Variants in METTL24 observed in about 807,000 individuals in gnomAD.
The protein encoded by METTL24 is probable methyltransferase-like protein 24.
METTL24 carries 29 observed loss-of-function variants against 32.7 expected under a neutral mutation model. The ratio of observed to expected loss-of-function variants is 0.89; its 90% CI spans 0.66 to 1.21. The LOEUF is 1.21. Among genes scored for constraint, METTL24 ranks in the 50% most tolerant of loss-of-function variants. The pLI is 0.00. For missense variants in METTL24, 439 were observed against 468.1 expected (o/e 0.94, Z 0.57); for synonymous variants, 163 against 179.5 (o/e 0.91, Z 0.73).
intron 1 of METTL24, among the ~76,000 whole-genome samples, chr6:110,344,719 G>T (rs992726232): frequency 1.3e-5 from 2 of 152,098 alleles, no homozygotes; most frequent in Non-Finnish European, 2.9e-5. Flanking sequence ...GGCATAACTG[G>T]CTAGCCATAT....
rs1772743746 is a variant in METTL24 at position 110,358,292 on chromosome 6, C to T, written c.-20G>A. 1 of 1,434,566 alleles carries T rather than the reference C, an allele frequency of 7.0e-7. No individual in the cohort carries two copies. The highest frequency in any genetic ancestry group is 9.1e-7 in the Non-Finnish European group (1 of 1,100,814). 88.9% of individuals were successfully genotyped at this position (1,434,566 alleles called of 1,614,324 possible). On this transcript the variant is annotated 5_prime_UTR_variant, in exon 1 of 5. Coordinates refer to ENST00000338882, the MANE Select transcript of METTL24 (RefSeq NM_001123364.3). ...GGCCATGGCGCTACACTCGGGGTCC[C>T]GCGGGCCGCGCCTGGCCGGCAGCAG... is the stretch of plus-strand genomic sequence containing the variant.
intron 3 of METTL24, among the ~76,000 whole-genome samples, chr6:110,308,938 G>C (rs1771670757): frequency 6.6e-6 from 1 of 152,162 alleles, no homozygotes; most frequent in Non-Finnish European, 1.5e-5. Context: ...GATTGCCTAA[G>C]GATGGCAGAC....
At chr6:110,308,795 T>C (rs1271386436) in intron 3 of METTL24, among the ~76,000 whole-genome samples, 3 of 152,236 alleles carry the variant, frequency 2.0e-5, no homozygotes, top group Non-Finnish European at 4.4e-5. Context: ...TGATACATGC[T>C]GCAATGTGGC....
intron 1 of METTL24, among the ~76,000 whole-genome samples, chr6:110,327,386 A>G (rs1478974219): frequency 2.0e-5 from 3 of 152,328 alleles, no homozygotes; most frequent in East Asian, 3.9e-4. Flanking sequence ...CACAAATAGT[A>G]TTCTTCTTGC....
At chr6:110,272,497 G>A (rs948767944) in intron 4 of METTL24, among the ~76,000 whole-genome samples, 2 of 152,196 alleles carry the variant, frequency 1.3e-5, no homozygotes, top group African/African-American at 2.4e-5. Context: ...TAGTGGGATT[G>A]CTGGATTGAA....
chr6:110,293,494 T>C (rs766601688), intron 4 of METTL24, among the ~76,000 whole-genome samples: 31 of 151,980 alleles, frequency 2.0e-4, no homozygotes, highest in Non-Finnish European at 3.4e-4. Flanking sequence ...AGTTTTCTAG[T>C]ATACCATCAT....
At chr6:110,356,387 G>A (rs1407554040) in intron 1 of METTL24, among the ~76,000 whole-genome samples, 1 of 152,008 alleles carries the variant, frequency 6.6e-6, no homozygotes, top group African/African-American at 2.4e-5. Context: ...AAGTGGCAGT[G>A]AGCCAAGATC....
rs202239903 is a variant in METTL24 at position 110,315,408 on chromosome 6, C to T, written c.491G>A (p.Cys164Tyr). Residue 164 changes from cysteine (C) to tyrosine (Y), a missense_variant, in exon 3 of 5, where the codon TGT becomes TAT. Coordinates refer to ENST00000338882, the MANE Select transcript of METTL24 (RefSeq NM_001123364.3). The stretch of plus-strand genomic sequence containing the variant: ...AGCTAAATTGAACCTGTCGTCAAGA[C>T]ACACTGACCAGGGCTTGTGTGTAGG... ...SSPTHKPWSV[C>Y]LDDRFNLAHQ... is the part of the protein sequence containing the mutation. 9.4e-5 allele frequency: 152 copies of T among 1,614,160 alleles called. No individual in the cohort carries two copies. Among genetic ancestry groups the T allele is most frequent in the Non-Finnish European group, 1.2e-4 (144 of 1,180,032 alleles).
At chr6:110,250,713 T>G (rs1250206399) in intron 4 of METTL24, among the ~76,000 whole-genome samples, 2 of 152,180 alleles carry the variant, frequency 1.3e-5, no homozygotes, top group Non-Finnish European at 2.9e-5. Context: ...GATAAGTCCT[T>G]ACATCAGCCA....
intron 1 of METTL24, among the ~76,000 whole-genome samples, chr6:110,323,874 T>C (rs997264375): frequency 1.3e-5 from 2 of 151,922 alleles, no homozygotes; most frequent in Non-Finnish European, 2.9e-5. Context: ...CCCCTTTTTA[T>C]ATGGTGAGGA....
In METTL24 at chr6:110,246,001, A is replaced by T; in HGVS notation, c.1046T>A (p.Ile349Asn). 1 of 1,614,176 alleles carries T rather than the reference A, an allele frequency of 6.2e-7. No individual in the cohort carries two copies. Residue 349 changes from isoleucine to asparagine, a missense_variant, in exon 5 of 5, where the codon ATT becomes AAT. By Grantham distance (149) the Ile-to-Asn change is moderately radical. Coordinates refer to ENST00000338882, the MANE Select transcript of METTL24 (RefSeq NM_001123364.3). ...SKPQLFLKKD[I>N]FNASSCYTLS... ...AGTATAACAGCTACTTGCATTGAAAATGTCTTTCTTCAAGAATAGCTGAGG... is the reference window on the plus strand; with the variant it reads ...AGTATAACAGCTACTTGCATTGAAATTGTCTTTCTTCAAGAATAGCTGAGG...
At chr6:110,286,590 C>A (rs1274851365) in intron 4 of METTL24, among the ~76,000 whole-genome samples, 1 of 152,202 alleles carries the variant, frequency 6.6e-6, no homozygotes, top group East Asian at 1.9e-4. Context: ...CATGTACATA[C>A]AACCTTGCCA....
intron 3 of METTL24, among the ~76,000 whole-genome samples, chr6:110,314,930 CT>C (rs1332329584): frequency 6.6e-6 from 1 of 151,742 alleles, no homozygotes; most frequent in African/African-American, 2.4e-5. Context: ...TGCCACTGCA[CT>C]GCAGCCTGGG....
chr6:110,267,385 A>G (rs1770874744), intron 4 of METTL24, among the ~76,000 whole-genome samples: 1 of 152,250 alleles, frequency 6.6e-6, no homozygotes, highest in Admixed American at 6.5e-5. Flanking sequence ...CAGAAAGACC[A>G]GTACCTATTA....
At position 110,286,297 on chromosome 6, in the gene METTL24, G is replaced by T. The variant is rs551717813; in HGVS notation, c.786+12625C>A. The stretch of plus-strand genomic sequence containing the variant: ...ATTTAAGTCCTTTCTACGCACAGAG[G>T]TTCCTCAAAGGGATGATCTTCACAT... On this transcript the variant is annotated intron_variant, in intron 4 of 4. Transcript: ENST00000338882. Among the ~76,000 whole-genome samples, 3 of 152,270 alleles carry T rather than the reference G, an allele frequency of 2.0e-5. No homozygotes were observed. The East Asian group carries it at 5.8e-4, about 29-fold the overall frequency.
At position 110,311,468 on chromosome 6, in the gene METTL24, G is replaced by GTTTTT. The variant is rs1051868507; in HGVS notation, c.557+3869_557+3873dup. 1.9e-3 allele frequency among the ~76,000 whole-genome samples: 184 copies of GTTTTT among 96,134 alleles called. 1 individual carries two copies. The highest frequency in any genetic ancestry group is 9.1e-3 in the Middle Eastern group (1 of 110). The allele number at this position is 96,134 out of a possible 152,430, so 63.1% of individuals were successfully genotyped here. ...TTCTTTTCTTTTCTTTTCTTTCTTT[G>GTTTTT]TTTTTTTTTTTTTTTTTTTTTTTGA... On this transcript the variant is annotated intron_variant, in intron 3 of 4. Transcript: ENST00000338882.
chr6:110,318,801 A>C (rs1160447720), intron 2 of METTL24, among the ~76,000 whole-genome samples: 1 of 152,180 alleles, frequency 6.6e-6, no homozygotes, highest in Non-Finnish European at 1.5e-5. Context: ...TGCTCCTAAA[A>C]ATTAATTATT....
At chr6:110,266,431 C>T (rs1162135583) in intron 4 of METTL24, among the ~76,000 whole-genome samples, 2 of 152,104 alleles carry the variant, frequency 1.3e-5, no homozygotes, top group Admixed American at 6.6e-5. Context: ...CCCACCTAAA[C>T]GTCTACTGTT....
chr6:110,295,013 CTT>C (rs1195740747), intron 4 of METTL24, among the ~76,000 whole-genome samples: 1,158 of 77,970 alleles, frequency 0.015, 1 homozygote, highest in African/African-American at 0.043. Flanking sequence ...TTCTTTCTTT[CTT>C]TTTTTTTTTT....
Sources: allele counts gnomAD v4.1 joint callset (sites outside exome capture counted in the v4.1 genomes callset), GRCh38; gene constraint gnomAD v4.1.1; transcripts MANE v1.5; gene names NCBI Gene and HGNC (gene_info 2026-07-23, HGNC 2026-07-21).